The following CPNE4 variants were observed in gnomAD, a reference collection of about 807,000 sequenced individuals.
CPNE4 encodes the protein copine-4.
Under a neutral mutation model 67.9 loss-of-function variants are expected in CPNE4, and 25 were observed. That is an observed-to-expected ratio of 0.37 (90% CI 0.27 to 0.51). The LOEUF (loss-of-function observed/expected upper bound fraction) is 0.51. CPNE4 is among the 20% of genes least tolerant of loss of function. The pLI is 0.93. For missense variants in CPNE4, 464 were observed against 690.8 expected (o/e 0.67, Z 3.68); for synonymous variants, 242 against 244.9 (o/e 0.99, Z 0.11).
At chr3:131,640,150 C>G (rs2079503152) in intron 7 of CPNE4, among the ~76,000 whole-genome samples, 1 of 152,094 alleles carries the variant, frequency 6.6e-6, no homozygotes, top group African/African-American at 2.4e-5. Flanking sequence ...TACTGGAAGT[C>G]TTAGCCAGAG....
intron 2 of CPNE4, among the ~76,000 whole-genome samples, chr3:131,830,057 A>G (rs552026534): frequency 1.1e-4 from 16 of 152,272 alleles, no homozygotes; most frequent in African/African-American, 3.9e-4. Flanking sequence ...TTCTTCTTAT[A>G]TTAACCTTTT....
chr3:131,775,101 C>T (rs2083260908), intron 2 of CPNE4, among the ~76,000 whole-genome samples: 1 of 152,042 alleles, frequency 6.6e-6, no homozygotes. Context: ...ATTAAATAAC[C>T]CAATCAGCTT....
intron 3 of CPNE4, among the ~76,000 whole-genome samples, chr3:131,714,140 A>G (rs2081624564): frequency 6.6e-6 from 1 of 152,154 alleles, no homozygotes; most frequent in Non-Finnish European, 1.5e-5. Flanking sequence ...ATGCAACAAA[A>G]TGCTAACCTG....
chr3:131,604,311 C>A (rs1464204547), intron 7 of CPNE4, among the ~76,000 whole-genome samples: 2 of 152,116 alleles, frequency 1.3e-5, no homozygotes, highest in Non-Finnish European at 2.9e-5. Context: ...GATTTCCTAA[C>A]CTTATTGAAA....
intron 15 of CPNE4, chr3:131,537,711 CCTTT>C (rs1935236695): frequency 5.7e-6 from 1 of 176,084 alleles, no homozygotes; most frequent in African/African-American, 2.4e-5. Context: ...CTTTCCTCTT[CCTTT>C]CTATCTTGAA....
chr3:132,002,309 G>A (rs1046761008), intron 1 of CPNE4, among the ~76,000 whole-genome samples: 2 of 152,112 alleles, frequency 1.3e-5, no homozygotes, highest in Non-Finnish European at 2.9e-5. Flanking sequence ...AGAAGAAAAG[G>A]CCAGTGACAG....
At chr3:131,537,878 A>G (rs1935248848) in intron 15 of CPNE4, among the ~76,000 whole-genome samples, 3 of 152,166 alleles carry the variant, frequency 2.0e-5, no homozygotes, top group Admixed American at 1.3e-4. Flanking sequence ...AATACGTTCT[A>G]TTTGTATAAT....
intron 2 of CPNE4, among the ~76,000 whole-genome samples, chr3:131,729,868 G>T (rs545456646): frequency 6.6e-6 from 1 of 152,146 alleles, no homozygotes; most frequent in Non-Finnish European, 1.5e-5. Context: ...TAACAACTTG[G>T]GTGGAAGCTG....
At chr3:132,018,758 T>G (rs1386975152) in intron 1 of CPNE4, among the ~76,000 whole-genome samples, 1 of 152,166 alleles carries the variant, frequency 6.6e-6, no homozygotes, top group Non-Finnish European at 1.5e-5. Flanking sequence ...AGAAATAAAA[T>G]GGGCAGCTTT....
chr3:131,906,462 T>A (rs530340851), intron 1 of CPNE4, among the ~76,000 whole-genome samples: 106 of 140,476 alleles, frequency 7.5e-4, no homozygotes, highest in Non-Finnish European at 1.1e-3. Context: ...TGTCCATGTG[T>A]TCTCATTGTT....
At chr3:131,815,187 C>A (rs1357303817) in intron 2 of CPNE4, among the ~76,000 whole-genome samples, 1 of 152,014 alleles carries the variant, frequency 6.6e-6, no homozygotes, top group Non-Finnish European at 1.5e-5. Flanking sequence ...GCATGCAAAT[C>A]AGAAAGAATC....
At chr3:131,817,809 C>T (rs1014137813) in intron 2 of CPNE4, among the ~76,000 whole-genome samples, 7 of 152,198 alleles carry the variant, frequency 4.6e-5, no homozygotes, top group African/African-American at 1.4e-4. Context: ...AAAAGGGATA[C>T]AGAAAAGTCT....
chr3:131,914,982 A>G (rs2089131806), intron 1 of CPNE4, among the ~76,000 whole-genome samples: 1 of 152,188 alleles, frequency 6.6e-6, no homozygotes, highest in Non-Finnish European at 1.5e-5. Context: ...GTCTCAAAAT[A>G]AAATAAAATA....
chr3:131,645,082 T>C (rs2079631277), intron 7 of CPNE4, among the ~76,000 whole-genome samples: 1 of 152,336 alleles, frequency 6.6e-6, no homozygotes, highest in African/African-American at 2.4e-5. Flanking sequence ...CTTGGAAGAC[T>C]GAAATGGTTC....
chr3:131,628,538 TG>T (rs1454739249), intron 7 of CPNE4, among the ~76,000 whole-genome samples: 1 of 152,294 alleles, frequency 6.6e-6, no homozygotes, highest in Non-Finnish European at 1.5e-5. Context: ...GGACTTTTTT[TG>T]GTTGGTAGGC....
At chr3:131,969,402 T>G (rs1240695486) in intron 1 of CPNE4, among the ~76,000 whole-genome samples, 1 of 152,140 alleles carries the variant, frequency 6.6e-6, no homozygotes, top group Non-Finnish European at 1.5e-5. Flanking sequence ...AAACTACAAT[T>G]ACTTTTGCAC....
intron 15 of CPNE4, among the ~76,000 whole-genome samples, chr3:131,537,111 T>G (rs1039940695): frequency 5.9e-5 from 9 of 152,174 alleles, no homozygotes; most frequent in Admixed American, 2.0e-4. Flanking sequence ...TTCAGATAAT[T>G]AAAAATCACC....
At chr3:131,767,304 A>T (rs183669314) in intron 2 of CPNE4, among the ~76,000 whole-genome samples, 1 of 151,986 alleles carries the variant, frequency 6.6e-6, no homozygotes, top group Non-Finnish European at 1.5e-5. Flanking sequence ...ATATTTAGGA[A>T]AAGATCTTTC....
intron 1 of CPNE4, among the ~76,000 whole-genome samples, chr3:131,936,319 G>A (rs1416433679): frequency 6.6e-6 from 1 of 152,020 alleles, no homozygotes; most frequent in Non-Finnish European, 1.5e-5. Context: ...GTTTGTAAGT[G>A]AGGGTTTTAC....
Sources: allele counts gnomAD v4.1 joint callset (sites outside exome capture counted in the v4.1 genomes callset), GRCh38; gene constraint gnomAD v4.1.1; transcripts MANE v1.5; gene names NCBI Gene and HGNC (gene_info 2026-07-23, HGNC 2026-07-21).